TRPC7: variants seen among roughly 807,000 people sequenced by gnomAD.
TRPC7 encodes the protein short transient receptor potential channel 7.
TRPC7 carries 42 observed loss-of-function variants against 90.1 expected under a neutral mutation model. That is an observed-to-expected ratio of 0.47 (90% CI 0.36 to 0.60). TRPC7 has a LOEUF of 0.60. Ranked by LOEUF, TRPC7 falls within the 20% of genes least tolerant of loss-of-function variation. The pLI is 0.00. For synonymous variants in TRPC7, 451 were observed against 436.3 expected, an observed-to-expected ratio of 1.03 and a Z score of -0.42; for missense variants, 955 against 1,112.3, an observed-to-expected ratio of 0.86 and a Z score of 2.01.
intron 7 of TRPC7, among the ~76,000 whole-genome samples, chr5:136,243,911 C>A (rs1436046768): frequency 6.6e-6 from 1 of 152,074 alleles, no homozygotes; most frequent in East Asian, 1.9e-4. Context: ...CACCCTTTAT[C>A]CTCTTCCCTC....
intron 2 of TRPC7, among the ~76,000 whole-genome samples, chr5:136,343,269 C>T (rs4976489): frequency 0.69 from 104,290 of 152,058 alleles, 36,075 homozygotes; most frequent in African/African-American, 0.77. Context: ...CAAAGAATGA[C>T]AGACAAATAT....
intron 3 of TRPC7, among the ~76,000 whole-genome samples, chr5:136,275,400 CCT>C (rs1757334028): frequency 6.6e-6 from 1 of 152,058 alleles, no homozygotes; most frequent in South Asian, 2.1e-4. Context: ...AAAAAAATCC[CCT>C]CTCTTTACCT....
intron 3 of TRPC7, among the ~76,000 whole-genome samples, chr5:136,307,657 G>A (rs1163008321): frequency 2.0e-5 from 3 of 152,196 alleles, no homozygotes; most frequent in Admixed American, 6.5e-5. Context: ...GTCTGGAGAC[G>A]TTTTTGGTTA....
rs771632177 is a variant in TRPC7 at position 136,231,422 on chromosome 5, C to T, written c.1972G>A (p.Val658Ile). 12 of 1,612,722 alleles carry T rather than the reference C, an allele frequency of 7.4e-6. No individual in the cohort carries two copies. The highest frequency in any genetic ancestry group is 2.2e-5 in the East Asian group (1 of 44,846). ...IGYVLYGVYN[V>I]TMVVVLLNML... ...TTGAGCAACACTACCACCATGGTGA[C>T]GTTATAAACGCCGTAGAGAACGTAG... The change falls in exon 8 of 12, where the codon GTC becomes ATC. Residue 658 changes from valine (V) to isoleucine (I), a missense_variant. Physicochemically the swap from Val to Ile is conservative, Grantham distance 29. Transcript: ENST00000513104.
At chr5:136,251,624 G>GT in intron 6 of TRPC7, 25 bp downstream of exon 6, 1 of 1,556,804 alleles carries the variant, frequency 6.4e-7, no homozygotes, top group Non-Finnish European at 8.8e-7. Context: ...CCAAAATGGA[G>GT]TAGGGGAAGC....
At chr5:136,320,614 C>G (rs1561717671) in intron 2 of TRPC7, among the ~76,000 whole-genome samples, 2 of 152,184 alleles carry the variant, frequency 1.3e-5, no homozygotes, top group Admixed American at 1.3e-4. Context: ...GGAAGATGAC[C>G]CACTACCTAC....
rs999829654 is a variant in TRPC7, at chr5:136,315,658, G to A, written c.902C>T (p.Ser301Phe). Residue 301 changes from serine to phenylalanine, a missense_variant, in exon 3 of 12, where the codon TCC (serine) becomes TTC (phenylalanine). Around this residue, in one of 4 missense-constraint regions of TRPC7, gnomAD observed 484 missense variants for 509.6 expected, o/e 0.95. Transcript: ENST00000513104. ...LNGDVNFQVWSDHHRPSLSRI... is the reference protein window; with the variant it reads ...LNGDVNFQVWFDHHRPSLSRI... ...GCTCAGACTTGGACGGTGGTGGTCGGACCAGACTTGGAAGTTCACATCACC... is the reference window on the plus strand; with the variant it reads ...GCTCAGACTTGGACGGTGGTGGTCGAACCAGACTTGGAAGTTCACATCACC... 6.2e-7 allele frequency: 1 copy of A among 1,613,830 alleles called. No individual in the cohort carries two copies. Among genetic ancestry groups the A allele is most frequent in the Non-Finnish European group, 8.5e-7 (1 of 1,179,864 alleles).
At position 136,264,317 on chromosome 5, in the gene TRPC7, G is replaced by C. The variant is rs181683371; in HGVS notation, c.1345+1903C>G. On this transcript the variant is annotated intron_variant, in intron 5 of 11. Transcript: ENST00000513104. ...TGCATTTACCAGAGTCTTCTACCTG[G>C]GGTCCAAGTGGGAAAATGGGGTAGG... 8.5e-5 allele frequency among the ~76,000 whole-genome samples: 13 copies of C among 152,280 alleles called. No individual in the cohort carries two copies. In the East Asian group the frequency reaches 2.3e-3, roughly 27 times the overall value.
At chr5:136,295,074 T>C (rs1422307824) in intron 3 of TRPC7, among the ~76,000 whole-genome samples, 6 of 148,516 alleles carry the variant, frequency 4.0e-5, no homozygotes, top group Non-Finnish European at 5.9e-5. Flanking sequence ...TACTGATAGG[T>C]GGGAATTGAA....
chr5:136,288,407 A>AT (rs11459384), intron 3 of TRPC7, among the ~76,000 whole-genome samples: 4,450 of 147,602 alleles, frequency 0.03, 207 homozygotes, highest in African/African-American at 0.1. Context: ...AGAAGTAGAG[A>AT]TTTTTTTTTT....
At chr5:136,216,052 G>A (rs549995262) in intron 11 of TRPC7, 148 bp downstream of exon 11, 33 of 675,418 alleles carry the variant, frequency 4.9e-5, no homozygotes, top group African/African-American at 3.3e-4. Context: ...GCACTCTGCC[G>A]ACAACTGAAT....
intron 10 of TRPC7, among the ~76,000 whole-genome samples, chr5:136,218,701 T>A (rs2149792581): frequency 6.6e-6 from 1 of 152,326 alleles, no homozygotes; most frequent in South Asian, 2.1e-4. Flanking sequence ...TTGGCTGGGA[T>A]AGGTGAGATC....
chr5:136,339,095 A>G (rs890736291), intron 2 of TRPC7, among the ~76,000 whole-genome samples: 6 of 152,220 alleles, frequency 3.9e-5, no homozygotes, highest in African/African-American at 1.4e-4. Flanking sequence ...GTCTTAGACT[A>G]TGCAAATGGA....
chr5:136,247,782 C>G lies in TRPC7; in HGVS notation c.1580-47G>C, dbSNP rs1380561861. The G allele has an allele frequency of 6.4e-7, 1 of 1,570,430 alleles. No individual in the cohort carries two copies. The highest frequency in any genetic ancestry group is 1.2e-5 in the South Asian group (1 of 83,962). On this transcript the variant is annotated intron_variant, in intron 6 of 11. Transcript: ENST00000513104. The surrounding 1 kb of genome is among the most constrained non-coding windows in gnomAD (Gnocchi z 4.2). Reference sequence around the variant, plus strand: ...TACTCACGAGGCCACAGGATCTATTCTAGAAGAGAAACCAGTTAGGCATCT... The same window carrying G: ...TACTCACGAGGCCACAGGATCTATTGTAGAAGAGAAACCAGTTAGGCATCT...
Position 136,247,874 on chromosome 5 carries a change from A to G in TRPC7, c.1580-139T>C, listed in dbSNP as rs1561686472. On this transcript the variant is annotated intron_variant, in intron 6 of 11. Coordinates refer to ENST00000513104, the MANE Select transcript of TRPC7 (RefSeq NM_020389.3). This position sits in a 1 kb window ranked among gnomAD's most constrained non-coding sequence, Gnocchi z 4.2. ...TCCTTAAATTAATCCCAATATCCAG[A>G]AGTTGCCACCCTCCCTCTTGGAATG... 1 of 1,060,418 alleles carries G rather than the reference A, an allele frequency of 9.4e-7. No individual in the cohort carries two copies. Among genetic ancestry groups the G allele is most frequent in the Non-Finnish European group, 1.3e-6 (1 of 749,694 alleles). 65.7% of individuals were successfully genotyped at this position (1,060,418 alleles called of 1,614,324 possible).
intron 5 of TRPC7, among the ~76,000 whole-genome samples, chr5:136,253,845 A>G (rs953846577): frequency 6.6e-6 from 1 of 152,238 alleles, no homozygotes; most frequent in Non-Finnish European, 1.5e-5. Context: ...GTTAGTGAGG[A>G]ATGTGTATCA....
chr5:136,268,003 A>G lies in TRPC7; in HGVS notation c.1129-1567T>C, dbSNP rs553772940. 5.3e-5 allele frequency among the ~76,000 whole-genome samples: 8 copies of G among 152,366 alleles called. No individual in the cohort carries two copies. The South Asian group carries it at 1.7e-3, about 32-fold the overall frequency. The stretch of plus-strand genomic sequence containing the variant: ...TAGTTATAGAATGCAGTGGCATTCT[A>G]TAGGGCACTGAAGGTGATAGAGATA... On this transcript the variant is annotated intron_variant, in intron 4 of 11. Coordinates refer to ENST00000513104, the MANE Select transcript of TRPC7 (RefSeq NM_020389.3).
At chr5:136,319,396 C>G (rs1389216912) in intron 2 of TRPC7, among the ~76,000 whole-genome samples, 4 of 152,036 alleles carry the variant, frequency 2.6e-5, no homozygotes, top group African/African-American at 4.8e-5. Flanking sequence ...CTTCCTTTCT[C>G]TCTCCTGAAT....
chr5:136,350,481 G>A (rs1760157042), intron 2 of TRPC7, among the ~76,000 whole-genome samples: 2 of 152,138 alleles, frequency 1.3e-5, no homozygotes, highest in Admixed American at 6.5e-5. Flanking sequence ...CTAATTTTAG[G>A]CACTATTTGT....
Sources: allele counts gnomAD v4.1 joint callset (sites outside exome capture counted in the v4.1 genomes callset), GRCh38; gene constraint gnomAD v4.1.1; regional missense constraint gnomAD v4.1.1; non-coding constraint Gnocchi (gnomAD v3.1); transcripts MANE v1.5; gene names NCBI Gene and HGNC (gene_info 2026-07-23, HGNC 2026-07-21).